Variants in RIMS1 observed in about 807,000 individuals in gnomAD.
RIMS1 encodes regulating synaptic membrane exocytosis protein 1.
RIMS1 carries 83 observed loss-of-function variants against 214.1 expected under a neutral mutation model. The observed-to-expected ratio is 0.39, with a 90% CI of 0.32 to 0.47. The LOEUF is 0.47. RIMS1 is among the 20% of genes least tolerant of loss of function. The pLI, the probability that RIMS1 is intolerant of heterozygous loss-of-function variation, is 0.99. For missense variants in RIMS1, 2,050 were observed against 2,161.8 expected, an observed-to-expected ratio of 0.95 and a Z score of 1.03; for synonymous variants, 793 against 786.8, an observed-to-expected ratio of 1.01 and a Z score of -0.13.
At chr6:71,893,066 T>C (rs949812799) in intron 1 of RIMS1, among the ~76,000 whole-genome samples, 1 of 152,220 alleles carries the variant, frequency 6.6e-6, no homozygotes, top group Admixed American at 6.5e-5. Context: ...AATTGCTGTT[T>C]CCAAGAAAGG....
At chr6:72,164,233 GTTGGCAAAGCGCAGTAT>G (rs2045931051) in intron 4 of RIMS1, among the ~76,000 whole-genome samples, 1 of 152,214 alleles carries the variant, frequency 6.6e-6, no homozygotes, top group African/African-American at 2.4e-5. Flanking sequence ...TGCTAAGACT[GTTGGCAAAGCGCAGTAT>G]TAGGGTGGGA....
intron 26 of RIMS1, among the ~76,000 whole-genome samples, chr6:72,297,317 G>A (rs1166994318): frequency 2.6e-5 from 4 of 151,900 alleles, no homozygotes; most frequent in Non-Finnish European, 5.9e-5. Flanking sequence ...TCAGAAGAAT[G>A]TAGTTGGATT....
intron 28 of RIMS1, among the ~76,000 whole-genome samples, chr6:72,322,958 G>A (rs2096251063): frequency 6.6e-6 from 1 of 152,074 alleles, no homozygotes; most frequent in South Asian, 2.1e-4. Context: ...AAAAGCAGCA[G>A]CTGGAAGGCC....
intron 6 of RIMS1, among the ~76,000 whole-genome samples, chr6:72,198,734 A>G (rs1337140873): frequency 2.6e-5 from 4 of 151,956 alleles, no homozygotes; most frequent in Non-Finnish European, 5.9e-5. Flanking sequence ...TGGTCATTAC[A>G]TATGCTATGG....
intron 4 of RIMS1, among the ~76,000 whole-genome samples, chr6:72,101,331 CT>C (rs2033530157): frequency 6.6e-6 from 1 of 151,902 alleles, no homozygotes; most frequent in Non-Finnish European, 1.5e-5. Context: ...ATTTTCTTCA[CT>C]TTGGTTAGAA....
intron 28 of RIMS1, among the ~76,000 whole-genome samples, chr6:72,330,112 G>A (rs1253451727): frequency 1.3e-5 from 2 of 151,806 alleles, no homozygotes; most frequent in East Asian, 1.9e-4. Flanking sequence ...TCCTGCCAGT[G>A]AGGCACAAGT....
chr6:72,017,405 T>C (rs1459975332), intron 2 of RIMS1, among the ~76,000 whole-genome samples: 1 of 152,200 alleles, frequency 6.6e-6, no homozygotes, highest in Non-Finnish European at 1.5e-5. Flanking sequence ...AGTGCCTCTG[T>C]AGATGTGACT....
chr6:71,909,434 C>T (rs1056857079), intron 1 of RIMS1, among the ~76,000 whole-genome samples: 2 of 151,174 alleles, frequency 1.3e-5, no homozygotes, highest in Non-Finnish European at 2.9e-5. Context: ...GAAGAGTTGA[C>T]TCTCTGAATT....
intron 17 of RIMS1, 134 bp from the exon 18 acceptor site, chr6:72,258,852 G>A: frequency 1.2e-6 from 1 of 831,942 alleles, no homozygotes; most frequent in East Asian, 2.5e-5. Context: ...TCATTGATAA[G>A]TAGGTTTTGA....
chr6:72,316,218 G>T (rs1028743124), intron 28 of RIMS1, among the ~76,000 whole-genome samples: 1 of 152,150 alleles, frequency 6.6e-6, no homozygotes, highest in Non-Finnish European at 1.5e-5. Flanking sequence ...ATGAGAGAGG[G>T]CAGGACTTCA....
At chr6:72,338,849 A>AAGAG (rs59731805) in intron 29 of RIMS1, among the ~76,000 whole-genome samples, 6,168 of 138,596 alleles carry the variant, frequency 0.045, 194 homozygotes, top group East Asian at 0.15. Flanking sequence ...CCAACTTGTG[A>AAGAG]AGAGAGAGAG....
At chr6:72,334,322 C>G (rs2096769677) in intron 29 of RIMS1, among the ~76,000 whole-genome samples, 1 of 151,612 alleles carries the variant, frequency 6.6e-6, no homozygotes, top group Non-Finnish European at 1.5e-5. Context: ...AAGTAAAAAC[C>G]CAGCAGTGAT....
intron 6 of RIMS1, among the ~76,000 whole-genome samples, chr6:72,203,060 T>G (rs976274781): frequency 6.6e-6 from 1 of 152,188 alleles, no homozygotes; most frequent in African/African-American, 2.4e-5. Context: ...CGATCCCGAC[T>G]CACTGCATGC....
intron 2 of RIMS1, among the ~76,000 whole-genome samples, chr6:72,008,516 G>A (rs1384975688): frequency 6.6e-6 from 1 of 152,116 alleles, no homozygotes; most frequent in Non-Finnish European, 1.5e-5. Context: ...CCAATTAAAA[G>A]ACACAAACTG....
At chr6:72,193,771 C>G in intron 6 of RIMS1, among the ~76,000 whole-genome samples, 1 of 152,034 alleles carries the variant, frequency 6.6e-6, no homozygotes, top group South Asian at 2.1e-4. Flanking sequence ...TAACATTCTT[C>G]ATATCTTTAT....
chr6:71,935,722 C>T (rs931164685), intron 1 of RIMS1, among the ~76,000 whole-genome samples: 1 of 152,168 alleles, frequency 6.6e-6, no homozygotes, highest in Non-Finnish European at 1.5e-5. Context: ...TAACTGAGGG[C>T]TGCAGGAACT....
intron 29 of RIMS1, among the ~76,000 whole-genome samples, chr6:72,366,112 A>C (rs556087192): frequency 1.1e-4 from 16 of 152,268 alleles, no homozygotes; most frequent in African/African-American, 3.9e-4. Flanking sequence ...AGAAGTTAGA[A>C]CCTTTTTTTT....
At chr6:71,905,750 T>C (rs923559316) in intron 1 of RIMS1, among the ~76,000 whole-genome samples, 16 of 151,912 alleles carry the variant, frequency 1.1e-4, no homozygotes, top group African/African-American at 3.6e-4. Context: ...TATCCCAGAG[T>C]GTTGGGGAAT....
intron 1 of RIMS1, among the ~76,000 whole-genome samples, chr6:71,895,140 TGTA>T (rs1581959172): frequency 1.3e-5 from 2 of 152,328 alleles, no homozygotes; most frequent in East Asian, 3.9e-4. Context: ...TGGAAACTAA[TGTA>T]GTAATCTTGA....
Sources: gnomAD v4.1 joint callset for allele counts (sites outside exome capture counted in the v4.1 genomes callset) on GRCh38, gnomAD v4.1.1 for gene constraint, MANE v1.5 for transcripts, NCBI Gene and HGNC (gene_info 2026-07-23, HGNC 2026-07-21) for gene names.